The following KLF12 variants were observed in gnomAD, a reference collection of about 807,000 sequenced individuals.
The protein encoded by KLF12 is KLF transcription factor 12.
In KLF12, 9 loss-of-function variants were observed where a neutral mutation model predicts 37.8. That is an observed-to-expected ratio of 0.24 (90% confidence interval 0.14 to 0.42). The LOEUF (loss-of-function observed/expected upper bound fraction) is 0.42. Among genes scored for constraint, KLF12 ranks in the 10% least tolerant of loss-of-function variants. The pLI is 1.00. For missense variants in KLF12, 411 were observed against 516.0 expected (o/e 0.80, Z 1.97); for synonymous variants, 208 against 202.1 (o/e 1.03, Z -0.25).
the KLF12 span, among the ~76,000 whole-genome samples, chr13:74,242,239 G>C: frequency 6.6e-6 from 1 of 152,284 alleles, no homozygotes; most frequent in Admixed American, 6.5e-5. Context: ...TCTTTGACAT[G>C]TGTATTAGTC....
At chr13:74,056,534 T>G (rs1463163801) in intron 1 of KLF12, among the ~76,000 whole-genome samples, 4 of 152,208 alleles carry the variant, frequency 2.6e-5, no homozygotes, top group Admixed American at 2.0e-4. Flanking sequence ...GAATTCGATT[T>G]AACATGAAGA....
chr13:74,160,222 G>A, the KLF12 span, among the ~76,000 whole-genome samples: 3 of 152,128 alleles, frequency 2.0e-5, no homozygotes, highest in Non-Finnish European at 4.4e-5. Context: ...TTTAGTGTAC[G>A]ACTGTGGTGT....
intron 2 of KLF12, chr13:73,960,307 A>G (rs1890981507): frequency 3.8e-6 from 1 of 262,022 alleles, no homozygotes; most frequent in Admixed American, 3.9e-5. Context: ...AGACAGAAAA[A>G]GCATGCTAAA....
At chr13:73,786,641 G>C (rs1024389413) in intron 5 of KLF12, among the ~76,000 whole-genome samples, 3 of 151,930 alleles carry the variant, frequency 2.0e-5, no homozygotes, top group African/African-American at 4.8e-5. Context: ...CCAACACTTT[G>C]GGAGGCCGAG....
At chr13:74,240,275 A>G in the KLF12 span, among the ~76,000 whole-genome samples, 1 of 133,658 alleles carries the variant, frequency 7.5e-6, no homozygotes, top group Non-Finnish European at 1.6e-5. Context: ...ATTGGCCCCC[A>G]CTCTCTTCTG....
the KLF12 span, among the ~76,000 whole-genome samples, chr13:74,201,436 T>C: frequency 6.6e-6 from 1 of 152,218 alleles, no homozygotes; most frequent in Non-Finnish European, 1.5e-5. Flanking sequence ...TAAGTTTGGC[T>C]AGATCTTTTC....
chr13:74,220,860 C>T, the KLF12 span, among the ~76,000 whole-genome samples: 83 of 152,282 alleles, frequency 5.5e-4, no homozygotes, highest in Non-Finnish European at 1.0e-3. Context: ...TCTTTTTAAA[C>T]GCCGAATAGC....
intron 3 of KLF12, among the ~76,000 whole-genome samples, chr13:73,899,651 T>C (rs958053937): frequency 2.6e-5 from 4 of 152,090 alleles, no homozygotes; most frequent in Admixed American, 6.5e-5. Flanking sequence ...GCAGGCACCA[T>C]CCAATCAGCT....
At chr13:74,106,660 C>T (rs991511267) in intron 1 of KLF12, among the ~76,000 whole-genome samples, 2 of 152,126 alleles carry the variant, frequency 1.3e-5, no homozygotes, top group Non-Finnish European at 2.9e-5. Flanking sequence ...TTCAACAAAA[C>T]GTAACTGCCT....
At chr13:74,111,479 T>G (rs1876970620) in intron 1 of KLF12, among the ~76,000 whole-genome samples, 2 of 152,168 alleles carry the variant, frequency 1.3e-5, no homozygotes, top group Admixed American at 1.3e-4. Context: ...ATAATCAATT[T>G]ACCTTCAGAG....
the KLF12 span, among the ~76,000 whole-genome samples, chr13:74,141,057 T>TCC: frequency 6.6e-6 from 1 of 151,866 alleles, no homozygotes; most frequent in African/African-American, 2.4e-5. Flanking sequence ...AGAGGGAGAC[T>TCC]GTCTCAAACA....
At chr13:73,827,227 G>T (rs1247862932) in intron 4 of KLF12, among the ~76,000 whole-genome samples, 1 of 152,124 alleles carries the variant, frequency 6.6e-6, no homozygotes, top group East Asian at 1.9e-4. Flanking sequence ...AAATTAATTT[G>T]TTAAAAATAT....
At chr13:74,177,754 A>G in the KLF12 span, among the ~76,000 whole-genome samples, 3 of 152,202 alleles carry the variant, frequency 2.0e-5, no homozygotes, top group East Asian at 5.8e-4. Context: ...GGCCAGACAG[A>G]CTTGCAGGAG....
chr13:73,702,170 TG>T (rs994890277), intron 7 of KLF12, among the ~76,000 whole-genome samples: 33 of 152,182 alleles, frequency 2.2e-4, no homozygotes, highest in African/African-American at 7.5e-4. Flanking sequence ...CTAAGTGTTC[TG>T]GGAAAACAAA....
chr13:74,075,550 G>A (rs1450477352), intron 1 of KLF12, among the ~76,000 whole-genome samples: 1 of 152,148 alleles, frequency 6.6e-6, no homozygotes, highest in Non-Finnish European at 1.5e-5. Flanking sequence ...ATTCTAATCT[G>A]CATCAAACAT....
At chr13:74,022,279 C>T (rs113455326) in intron 1 of KLF12, among the ~76,000 whole-genome samples, 1,915 of 152,228 alleles carry the variant, frequency 0.013, 42 homozygotes, top group African/African-American at 0.043. Context: ...GAAATAATCA[C>T]ATAATACGGG....
At chr13:73,718,868 T>C (rs1219647751) in intron 6 of KLF12, among the ~76,000 whole-genome samples, 1 of 152,184 alleles carries the variant, frequency 6.6e-6, no homozygotes, top group Non-Finnish European at 1.5e-5. Context: ...CACTCCAATC[T>C]GGGTGAAAGA....
chr13:73,875,267 T>C (rs190533631), intron 3 of KLF12, among the ~76,000 whole-genome samples: 1 of 152,308 alleles, frequency 6.6e-6, no homozygotes, highest in East Asian at 1.9e-4. Flanking sequence ...TGTACATTTA[T>C]TCTCTTTTAA....
chr13:74,185,914 G>C, the KLF12 span, among the ~76,000 whole-genome samples: 4 of 152,186 alleles, frequency 2.6e-5, no homozygotes, highest in East Asian at 7.7e-4. Flanking sequence ...AAAGTGCGGG[G>C]ATTACAGGTG....
Sources: gnomAD v4.1 joint callset for allele counts (sites outside exome capture counted in the v4.1 genomes callset) on GRCh38, gnomAD v4.1.1 for gene constraint, MANE v1.5 for transcripts, NCBI Gene and HGNC (gene_info 2026-07-23, HGNC 2026-07-21) for gene names.